SORCS2: variants seen among roughly 807,000 people sequenced by gnomAD.
SORCS2 encodes the protein sortilin related VPS10 domain containing receptor 2.
Under a neutral mutation model 141.6 loss-of-function variants are expected in SORCS2, and 100 were observed. That is an observed-to-expected ratio of 0.71 (90% CI 0.60 to 0.83). The LOEUF (loss-of-function observed/expected upper bound fraction) is 0.83, where lower values mean the gene tolerates loss of function less well. Among genes scored for constraint, SORCS2 ranks in the 40% least tolerant of loss-of-function variants. SORCS2 has a pLI of 0.00. For synonymous variants in SORCS2, 789 were observed against 676.9 expected, an observed-to-expected ratio of 1.17 and a Z score of -2.57; for missense variants, 1,646 against 1,560.2, an observed-to-expected ratio of 1.05 and a Z score of -0.93.
intron 1 of SORCS2, among the ~76,000 whole-genome samples, chr4:7,284,939 C>T (rs1716108116): frequency 6.6e-6 from 1 of 152,060 alleles, no homozygotes. Context: ...CCTTTGTCTC[C>T]ATATGGGCTT....
chr4:7,740,726 C>T lies in SORCS2; in HGVS notation c.*462C>T. 3.3e-6 allele frequency: 1 copy of T among 305,588 alleles called. No individual in the cohort carries two copies. Among genetic ancestry groups the T allele is most frequent in the Non-Finnish European group, 6.0e-6 (1 of 165,924 alleles). 18.9% of individuals were successfully genotyped at this position (305,588 alleles called of 1,614,324 possible). A position where few individuals can be genotyped will look rare whatever the true frequency, so the allele number is the denominator to read the frequency against. ...TTCTTCACTCCCACCTGTGCGGCCA[C>T]CCAGTCCCTCTGTGGGAGCCCGGGT... On this transcript the variant is annotated 3_prime_UTR_variant, in exon 27 of 27. Coordinates refer to ENST00000507866, the MANE Select transcript of SORCS2 (RefSeq NM_020777.3).
intron 2 of SORCS2, among the ~76,000 whole-genome samples, chr4:7,506,956 G>A (rs1732310152): frequency 6.6e-6 from 1 of 151,312 alleles, no homozygotes; most frequent in African/African-American, 2.4e-5. Context: ...TTCCACAAAG[G>A]TCAGCTGGTT....
At chr4:7,361,270 C>G (rs576679442) in intron 1 of SORCS2, among the ~76,000 whole-genome samples, 1 of 152,332 alleles carries the variant, frequency 6.6e-6, no homozygotes, top group African/African-American at 2.4e-5. Flanking sequence ...GAAATATTGT[C>G]AAGGCAATGA....
intron 8 of SORCS2, 81 bp downstream of exon 8, chr4:7,667,294 C>CA: frequency 7.5e-7 from 1 of 1,339,684 alleles, no homozygotes; most frequent in Non-Finnish European, 1.1e-6. Flanking sequence ...GACTCACACA[C>CA]AGGTGCTTGG....
intron 1 of SORCS2, among the ~76,000 whole-genome samples, chr4:7,373,478 A>ATATATTTTTTTTTTT: frequency 2.7e-5 from 1 of 36,818 alleles, no homozygotes; most frequent in Non-Finnish European, 4.1e-5. Flanking sequence ...ATATATATAT[A>ATATATTTTTTTTTTT]TTTTTTTTTT....
At chr4:7,330,987 T>C (rs10022983) in intron 1 of SORCS2, among the ~76,000 whole-genome samples, 95,721 of 151,826 alleles carry the variant, frequency 0.63, 32,667 homozygotes, top group African/African-American at 0.88. Context: ...GGAATGTGGG[T>C]GCTGAGGCTG....
chr4:7,605,465 C>T (rs1453329363), intron 3 of SORCS2, among the ~76,000 whole-genome samples: 2 of 152,182 alleles, frequency 1.3e-5, no homozygotes, highest in African/African-American at 2.4e-5. Flanking sequence ...GGAGAGGACA[C>T]TGGCCCAGGG....
At chr4:7,718,333 G>A in intron 18 of SORCS2, 150 bp downstream of exon 18, 1 of 853,576 alleles carries the variant, frequency 1.2e-6, no homozygotes, top group Non-Finnish European at 1.7e-6. Flanking sequence ...GAAGGAGGCA[G>A]CAGGGGGCTG....
At chr4:7,453,654 G>T in intron 2 of SORCS2, among the ~76,000 whole-genome samples, 1 of 134,594 alleles carries the variant, frequency 7.4e-6, no homozygotes, top group South Asian at 2.6e-4. Flanking sequence ...CTGTGTTGGG[G>T]TCAGGAGCTG....
rs1727020142 is a variant in SORCS2 at position 7,193,960 on chromosome 4, A to C, written c.480+834A>C. 6.6e-6 allele frequency among the ~76,000 whole-genome samples: 1 copy of C among 152,104 alleles called. No individual in the cohort carries two copies. Among genetic ancestry groups the C allele is most frequent in the Non-Finnish European group, 1.5e-5 (1 of 68,000 alleles). On this transcript the variant is annotated intron_variant, in intron 1 of 26. Coordinates refer to ENST00000507866, the MANE Select transcript of SORCS2 (RefSeq NM_020777.3). This position sits in a 1 kb window ranked among gnomAD's most constrained non-coding sequence, Gnocchi z 4.8. ...GCCTTTGGTGGTGCATGCAGGAGGCAGAGGGTCCCTTTAGATTATTCCCCT... is the reference window on the plus strand; with the variant it reads ...GCCTTTGGTGGTGCATGCAGGAGGCCGAGGGTCCCTTTAGATTATTCCCCT...
Position 7,351,999 on chromosome 4 carries a change from T to A in SORCS2, c.481-44289T>A, listed in dbSNP as rs569801649. On this transcript the variant is annotated intron_variant, in intron 1 of 26. Transcript: ENST00000507866. Reference sequence around the variant, plus strand: ...GTCCATCTATCATCCATCCACCACTTACCCATCCACCCCTTAATCCATTAA... The same window carrying A: ...GTCCATCTATCATCCATCCACCACTAACCCATCCACCCCTTAATCCATTAA... Among the ~76,000 whole-genome samples the A allele has an allele frequency of 3.9e-5, 6 of 152,090 alleles. No homozygotes were observed. The South Asian group carries it at 1.2e-3, about 32-fold the overall frequency.
At chr4:7,312,170 C>G (rs1718226820) in intron 1 of SORCS2, among the ~76,000 whole-genome samples, 1 of 152,210 alleles carries the variant, frequency 6.6e-6, no homozygotes, top group South Asian at 2.1e-4. Flanking sequence ...CCACCGCACC[C>G]AGCCGTCTTT....
chr4:7,308,073 C>T (rs995432787), intron 1 of SORCS2, among the ~76,000 whole-genome samples: 3 of 152,126 alleles, frequency 2.0e-5, no homozygotes, highest in Non-Finnish European at 4.4e-5. Context: ...TCTGTTTGTG[C>T]TGCTGGCATA....
chr4:7,528,939 C>T (rs763418258), intron 2 of SORCS2, among the ~76,000 whole-genome samples: 4 of 152,210 alleles, frequency 2.6e-5, no homozygotes, highest in Non-Finnish European at 5.9e-5. Context: ...CCTGCGGCCA[C>T]ATCACCTCAC....
At chr4:7,214,196 C>T (rs933808851) in intron 1 of SORCS2, among the ~76,000 whole-genome samples, 1 of 152,154 alleles carries the variant, frequency 6.6e-6, no homozygotes, top group Non-Finnish European at 1.5e-5. Context: ...AAACTCAATG[C>T]TGAAATTTAA....
At chr4:7,373,478 A>ATATATATATATATATTTTTTTTT (rs1470691140) in intron 1 of SORCS2, among the ~76,000 whole-genome samples, 3 of 36,818 alleles carry the variant, frequency 8.1e-5, no homozygotes, top group Non-Finnish European at 8.3e-5. Context: ...ATATATATAT[A>ATATATATATATATATTTTTTTTT]TTTTTTTTTT....
At chr4:7,278,363 A>G (rs1715649507) in intron 1 of SORCS2, among the ~76,000 whole-genome samples, 2 of 149,802 alleles carry the variant, frequency 1.3e-5, no homozygotes, top group South Asian at 2.1e-4. Flanking sequence ...TTCATCATCA[A>G]CTCCTCAGGC....
intron 1 of SORCS2, among the ~76,000 whole-genome samples, chr4:7,274,020 C>G (rs1030970182): frequency 1.3e-5 from 2 of 152,224 alleles, no homozygotes; most frequent in Non-Finnish European, 2.9e-5. Context: ...TTTTAACATC[C>G]CTGACTCTAG....
chr4:7,246,785 T>C (rs1422679778), intron 1 of SORCS2, among the ~76,000 whole-genome samples: 1 of 152,188 alleles, frequency 6.6e-6, no homozygotes, highest in Non-Finnish European at 1.5e-5. Context: ...GCGTGCGCTT[T>C]GGATGTGGAG....
Sources: gnomAD v4.1 joint callset for allele counts (sites outside exome capture counted in the v4.1 genomes callset) on GRCh38, gnomAD v4.1.1 for gene constraint, Gnocchi (gnomAD v3.1) non-coding constraint, MANE v1.5 for transcripts, NCBI Gene and HGNC (gene_info 2026-07-23, HGNC 2026-07-21) for gene names.